Variants in HDAC9 observed in about 807,000 individuals in gnomAD.
HDAC9 encodes MEF-2 interacting transcription repressor (MITR) protein.
A neutral mutation model predicts 139.4 loss-of-function variants in HDAC9; 41 were observed. The observed-to-expected ratio is 0.29, with a 90% CI of 0.23 to 0.38. The LOEUF (loss-of-function observed/expected upper bound fraction) is 0.38, where lower values mean the gene tolerates loss of function less well. Among genes scored for constraint, HDAC9 ranks in the 10% least tolerant of loss-of-function variants. The probability of loss-of-function intolerance (pLI) is 1.00; values close to 1 mark genes in which losing one functional copy is unlikely to be tolerated. For synonymous variants in HDAC9, 517 were observed against 476.2 expected (o/e 1.09, Z -1.12); for missense variants, 1,147 against 1,297.0 (o/e 0.88, Z 1.78).
At chr7:18,854,069 T>C (rs1797497428) in intron 21 of HDAC9, among the ~76,000 whole-genome samples, 3 of 152,186 alleles carry the variant, frequency 2.0e-5, no homozygotes, top group East Asian at 3.8e-4. Flanking sequence ...ATTTTTGAAA[T>C]ACTTTTTAAA....
intron 22 of HDAC9, among the ~76,000 whole-genome samples, chr7:18,935,502 G>T (rs1056701831): frequency 8.5e-4 from 129 of 152,230 alleles, no homozygotes; most frequent in Non-Finnish European, 4.9e-4. Flanking sequence ...AGAGTATTCA[G>T]TTTTTTTATC....
chr7:18,798,538 G>A (rs1017468504), intron 17 of HDAC9, among the ~76,000 whole-genome samples: 1 of 152,088 alleles, frequency 6.6e-6, no homozygotes, highest in African/African-American at 2.4e-5. Flanking sequence ...AACCTCTGAT[G>A]GGGAGATAAG....
intron 16 of HDAC9, among the ~76,000 whole-genome samples, chr7:18,785,194 T>A (rs1791608747): frequency 1.3e-5 from 2 of 152,056 alleles, no homozygotes; most frequent in Non-Finnish European, 2.9e-5. Flanking sequence ...CTAACATTTG[T>A]GACACTTAAG....
chr7:18,812,504 CA>C (rs1412949203), intron 17 of HDAC9, among the ~76,000 whole-genome samples: 2 of 151,844 alleles, frequency 1.3e-5, no homozygotes, highest in African/African-American at 2.4e-5. Context: ...TTTTCAATGT[CA>C]TTTTTTTATT....
At chr7:18,590,144 C>A (rs1423519498) in intron 3 of HDAC9, among the ~76,000 whole-genome samples, 192 bp from the exon 4 acceptor site, 1 of 152,182 alleles carries the variant, frequency 6.6e-6, no homozygotes, top group African/African-American at 2.4e-5. Flanking sequence ...TAAAACTTGC[C>A]TGTTGATGAC....
At chr7:18,180,814 C>T (rs76298576) in intron 2 of HDAC9, among the ~76,000 whole-genome samples, 3,360 of 152,276 alleles carry the variant, frequency 0.022, 131 homozygotes, top group African/African-American at 0.075. Flanking sequence ...AGTCCAAAAT[C>T]AGTTTCACTG....
At chr7:18,908,780 A>G (rs961442754) in intron 22 of HDAC9, among the ~76,000 whole-genome samples, 5 of 152,074 alleles carry the variant, frequency 3.3e-5, no homozygotes, top group Non-Finnish European at 4.4e-5. Context: ...GTCTATTTAT[A>G]CCACATTTTC....
chr7:18,184,511 T>G (rs974433879), intron 2 of HDAC9, among the ~76,000 whole-genome samples: 3 of 152,256 alleles, frequency 2.0e-5, no homozygotes, highest in African/African-American at 4.8e-5. Context: ...GAAGGTAATT[T>G]TATTCAATAT....
chr7:18,994,100 GA>G (rs1168539843), intron 25 of HDAC9, among the ~76,000 whole-genome samples: 3 of 152,134 alleles, frequency 2.0e-5, no homozygotes, highest in Non-Finnish European at 2.9e-5. Context: ...AGAATTCACA[GA>G]TCCTCCACCA....
intron 1 of HDAC9, among the ~76,000 whole-genome samples, chr7:18,139,065 A>T (rs1020761912): frequency 3.9e-5 from 6 of 152,026 alleles, no homozygotes; most frequent in African/African-American, 1.4e-4. Context: ...AGTATGCTTA[A>T]GAATATTAAA....
intron 13 of HDAC9, among the ~76,000 whole-genome samples, chr7:18,730,623 A>C (rs1453996183): frequency 6.6e-6 from 1 of 152,176 alleles, no homozygotes; most frequent in East Asian, 1.9e-4. Flanking sequence ...TCTTCCACCC[A>C]TAAATTTATG....
chr7:18,158,744 A>C (rs1305386885), intron 1 of HDAC9, among the ~76,000 whole-genome samples: 1 of 152,240 alleles, frequency 6.6e-6, no homozygotes, highest in African/African-American at 2.4e-5. Context: ...TGAGAAGGCC[A>C]CATAGGTGGA....
intron 6 of HDAC9, among the ~76,000 whole-genome samples, chr7:18,599,848 A>G (rs1377892647): frequency 6.6e-6 from 1 of 152,222 alleles, no homozygotes; most frequent in African/African-American, 2.4e-5. Flanking sequence ...TTTGTTAAAA[A>G]AAGAACAACA....
chr7:18,776,662 G>A (rs1163127576), intron 16 of HDAC9, among the ~76,000 whole-genome samples: 5 of 151,942 alleles, frequency 3.3e-5, no homozygotes, highest in Non-Finnish European at 7.4e-5. Context: ...GTAGTGTTGG[G>A]GCAGAGAACT....
intron 2 of HDAC9, among the ~76,000 whole-genome samples, chr7:18,186,891 G>A (rs981406130): frequency 6.6e-6 from 1 of 152,138 alleles, no homozygotes; most frequent in Non-Finnish European, 1.5e-5. Context: ...TTAACATGCA[G>A]AATAAAAGTA....
At chr7:18,189,940 T>C (rs1372293880) in intron 2 of HDAC9, among the ~76,000 whole-genome samples, 1 of 152,076 alleles carries the variant, frequency 6.6e-6, no homozygotes, top group Non-Finnish European at 1.5e-5. Context: ...TGTGTGTGTG[T>C]GTGTGTGTGT....
At chr7:18,819,992 T>A (rs1794843070) in intron 17 of HDAC9, among the ~76,000 whole-genome samples, 1 of 152,208 alleles carries the variant, frequency 6.6e-6, no homozygotes. Flanking sequence ...TTGTATTGCA[T>A]AATATGGCAT....
At chr7:18,833,348 G>A (rs184644011) in intron 19 of HDAC9, among the ~76,000 whole-genome samples, 162 of 152,280 alleles carry the variant, frequency 1.1e-3, no homozygotes, top group African/African-American at 3.5e-3. Flanking sequence ...AACATTTACA[G>A]TGTCCCCAGA....
intron 1 of HDAC9, among the ~76,000 whole-genome samples, chr7:18,396,372 G>C (rs1451181300): frequency 6.6e-6 from 1 of 152,130 alleles, no homozygotes; most frequent in South Asian, 2.1e-4. Flanking sequence ...TTGGCAGGAT[G>C]CTGTAGAAGG....
Sources: gnomAD v4.1 joint callset for allele counts (sites outside exome capture counted in the v4.1 genomes callset) on GRCh38, gnomAD v4.1.1 for gene constraint, MANE v1.5 for transcripts, NCBI Gene and HGNC (gene_info 2026-07-23, HGNC 2026-07-21) for gene names.